Variants in INSL6 observed in about 807,000 individuals in gnomAD.
INSL6 encodes insulin-like peptide INSL6.
Under a neutral mutation model 9.4 loss-of-function variants are expected in INSL6, and 16 were observed. That is an observed-to-expected ratio of 1.70 (90% CI 1.15 to 2.59). The LOEUF is 2.59. Ranked by LOEUF, INSL6 falls within the 30% of genes most tolerant of loss-of-function variation. The probability of loss-of-function intolerance (pLI) is 0.00; values close to 1 mark genes in which losing one functional copy is unlikely to be tolerated. For synonymous variants in INSL6, 154 were observed against 96.9 expected (o/e 1.59, Z -3.46); for missense variants, 391 against 257.3 (o/e 1.52, Z -3.56).
the INSL6 span, among the ~76,000 whole-genome samples, chr9:5,036,457 C>G: frequency 2.0e-5 from 3 of 152,084 alleles, no homozygotes; most frequent in Non-Finnish European, 2.9e-5. Context: ...GGAGGCATCA[C>G]GCTACCTGAC....
intron 1 of INSL6, among the ~76,000 whole-genome samples, chr9:5,182,257 A>G (rs929916891): frequency 1.3e-5 from 2 of 152,128 alleles, no homozygotes; most frequent in Non-Finnish European, 2.9e-5. Flanking sequence ...ATGTTCACAT[A>G]GCAACAATAA....
the INSL6 span, among the ~76,000 whole-genome samples, chr9:5,033,691 G>C: frequency 2.6e-5 from 4 of 152,322 alleles, no homozygotes; most frequent in African/African-American, 4.8e-5. Flanking sequence ...AGCAAATGCT[G>C]AGAGATTTTG....
chr9:5,097,550 T>A, the INSL6 span: 1 of 152,202 alleles, frequency 6.6e-6, no homozygotes, highest in East Asian at 1.9e-4. Context: ...GGAACAGACA[T>A]AGACACAGAC....
chr9:5,114,023 C>T, the INSL6 span: 5 of 310,724 alleles, frequency 1.6e-5, no homozygotes, highest in East Asian at 8.5e-5. Context: ...ACTGGTCCAT[C>T]GCCTCTCCCA....
chr9:5,017,661 C>T, the INSL6 span, among the ~76,000 whole-genome samples: 2 of 152,078 alleles, frequency 1.3e-5, no homozygotes, highest in East Asian at 3.8e-4. Flanking sequence ...GCATTTAATA[C>T]TGACTATAAT....
At chr9:5,104,747 G>A in the INSL6 span, among the ~76,000 whole-genome samples, 3 of 152,196 alleles carry the variant, frequency 2.0e-5, no homozygotes, top group Admixed American at 1.3e-4. Context: ...TGCAAGGCTG[G>A]TTCAACATTT....
chr9:5,025,594 C>T, the INSL6 span, among the ~76,000 whole-genome samples: 1 of 149,670 alleles, frequency 6.7e-6, no homozygotes, highest in East Asian at 2.0e-4. Context: ...AGTGCAGCAG[C>T]ATGATTATGG....
At chr9:5,121,480 G>A (rs1021434692), downstream of INSL6, among the ~76,000 whole-genome samples, 1 of 152,126 alleles carries the variant, frequency 6.6e-6, no homozygotes, top group African/African-American at 2.4e-5. Flanking sequence ...CATGACAGGA[G>A]GTAGTTTTGC....
chr9:5,044,413 C>T, the INSL6 span: 3 of 1,608,180 alleles, frequency 1.9e-6, no homozygotes, highest in Non-Finnish European at 2.6e-6. Context: ...ATTTTACTTT[C>T]CTCGTTGGTA....
the INSL6 span, among the ~76,000 whole-genome samples, chr9:5,046,809 A>C: frequency 6.6e-6 from 1 of 152,072 alleles, no homozygotes; most frequent in Non-Finnish European, 1.5e-5. Flanking sequence ...GGATATTATG[A>C]GGTTACAACT....
intron 1 of INSL6, among the ~76,000 whole-genome samples, chr9:5,177,645 C>G (rs1463928538): frequency 6.6e-6 from 1 of 152,204 alleles, no homozygotes; most frequent in African/African-American, 2.4e-5. Flanking sequence ...TCCACAGCAC[C>G]TCACAAATTA....
the INSL6 span, chr9:5,021,931 C>A: frequency 7.5e-7 from 1 of 1,327,222 alleles, no homozygotes; most frequent in South Asian, 1.2e-5. Flanking sequence ...CTGCGCCCAG[C>A]CCATTTGTAA....
chr9:5,160,960 G>C (rs1343590051), downstream of INSL6, among the ~76,000 whole-genome samples: 1 of 152,098 alleles, frequency 6.6e-6, no homozygotes, highest in South Asian at 2.1e-4. Context: ...AACTCTCCAA[G>C]CAAAGAAAAG....
the INSL6 span, among the ~76,000 whole-genome samples, chr9:5,105,818 T>C: frequency 1.3e-5 from 2 of 152,194 alleles, no homozygotes; most frequent in Admixed American, 1.3e-4. Flanking sequence ...GGGAAAAGGA[T>C]TCCTTATTTA....
At chr9:5,068,742 G>A in the INSL6 span, among the ~76,000 whole-genome samples, 1 of 152,184 alleles carries the variant, frequency 6.6e-6, no homozygotes, top group Non-Finnish European at 1.5e-5. Context: ...TCTTATAAAT[G>A]ATGGAAAACT....
intron 2 of INSL6, among the ~76,000 whole-genome samples, chr9:5,150,068 A>G (rs1003709982): frequency 2.0e-5 from 3 of 152,198 alleles, no homozygotes; most frequent in African/African-American, 7.2e-5. Flanking sequence ...ATCTGGACTC[A>G]TCTCTCTCAC....
At chr9:5,131,824 T>C (rs188223165) in intron 3 of INSL6, among the ~76,000 whole-genome samples, 69 of 152,246 alleles carry the variant, frequency 4.5e-4, no homozygotes, top group African/African-American at 1.6e-3. Context: ...ACGACAATAA[T>C]TGGATTGTAT....
chr9:5,034,378 G>T, the INSL6 span, among the ~76,000 whole-genome samples: 1 of 152,122 alleles, frequency 6.6e-6, no homozygotes, highest in African/African-American at 2.4e-5. Context: ...ATTCAGCTCT[G>T]GACCAAGCAG....
intron 2 of INSL6, among the ~76,000 whole-genome samples, chr9:5,140,279 G>A (rs569728918): frequency 1.3e-5 from 2 of 152,064 alleles, no homozygotes; most frequent in African/African-American, 4.8e-5. Context: ...GAACTCTCAG[G>A]CAGAACTCAT....
Sources: gnomAD v4.1 joint callset for allele counts (sites outside exome capture counted in the v4.1 genomes callset) on GRCh38, gnomAD v4.1.1 for gene constraint, MANE v1.5 for transcripts, NCBI Gene and HGNC (gene_info 2026-07-23, HGNC 2026-07-21) for gene names.